Variants in KDM4B observed in about 807,000 individuals in gnomAD.
The protein encoded by KDM4B is lysine demethylase 4B.
Under a neutral mutation model 125.2 loss-of-function variants are expected in KDM4B, and 32 were observed. The ratio of observed to expected loss-of-function variants is 0.26; its 90% confidence interval spans 0.19 to 0.34. The LOEUF is 0.34. Ranked by LOEUF, KDM4B falls within the 10% of genes least tolerant of loss-of-function variation. KDM4B has a pLI of 1.00. For missense variants in KDM4B, 1,190 were observed against 1,577.7 expected, an observed-to-expected ratio of 0.75 and a Z score of 4.16; for synonymous variants, 721 against 677.9, an observed-to-expected ratio of 1.06 and a Z score of -0.99.
chr19:5,131,468 C>T lies in KDM4B; in HGVS notation c.1708C>T (p.Leu570=). The T allele has an allele frequency of 1.3e-6, 2 of 1,583,156 alleles. No homozygotes were observed. The highest frequency in any genetic ancestry group is 1.7e-6 in the Non-Finnish European group (2 of 1,171,220). The part of the protein sequence containing the change: ...TWKEPVSPME[L]TGPEDGAASS... ...GAAGGAACCAGTTTCCCCCATGGAG[C>T]TGACGGGGCCAGAGGACGGTGCAGC... Residue 570 remains leucine, a synonymous_variant, in exon 12 of 23, where the codon CTG becomes TTG. Coordinates refer to ENST00000159111, the MANE Select transcript of KDM4B (RefSeq NM_015015.3).
chr19:5,088,156 G>A (rs2038566875), intron 9 of KDM4B, among the ~76,000 whole-genome samples: 1 of 152,200 alleles, frequency 6.6e-6, no homozygotes, highest in Admixed American at 6.5e-5. Flanking sequence ...CCCCCGACTC[G>A]GGTAGGCCCG....
chr19:5,143,849 G>T (rs543360649), intron 18 of KDM4B, 118 bp from the exon 19 acceptor site: 10 of 806,256 alleles, frequency 1.2e-5, no homozygotes, highest in South Asian at 1.1e-4. Flanking sequence ...TGGGCAGAGC[G>T]CAGGGCCACT....
intron 9 of KDM4B, among the ~76,000 whole-genome samples, chr19:5,083,165 T>C (rs964017123): frequency 6.6e-6 from 1 of 152,202 alleles, no homozygotes; most frequent in African/African-American, 2.4e-5. Context: ...TGGCCAGCAA[T>C]TGGCGTCTGA....
At chr19:5,072,062 C>A (rs111747987) in intron 7 of KDM4B, among the ~76,000 whole-genome samples, 1 of 152,188 alleles carries the variant, frequency 6.6e-6, no homozygotes, top group Non-Finnish European at 1.5e-5. Context: ...GCTCAGCAAG[C>A]GACAGCCACA....
At chr19:5,097,957 G>A (rs964551061) in intron 9 of KDM4B, among the ~76,000 whole-genome samples, 2 of 152,222 alleles carry the variant, frequency 1.3e-5, no homozygotes, top group Admixed American at 6.5e-5. Flanking sequence ...GGCATGGGGG[G>A]CGCAAATGTC....
chr19:5,030,734 C>G (rs1252742252), intron 2 of KDM4B, among the ~76,000 whole-genome samples: 2 of 152,246 alleles, frequency 1.3e-5, no homozygotes. Context: ...ACAACTGCCC[C>G]TCGTGGGCCT....
intron 1 of KDM4B, among the ~76,000 whole-genome samples, chr19:5,009,825 A>T (rs1207607202): frequency 6.6e-6 from 1 of 151,908 alleles, no homozygotes; most frequent in East Asian, 1.9e-4. Flanking sequence ...ACTGCCTCCC[A>T]GGTTCAAGCG....
rs778286646 is a variant in KDM4B, at chr19:5,144,881, C to T, written c.3000C>T (p.Ser1000=). ...TCTACAAGGCCAAGTTCATCTCCTC[C>T]GTCACCAGCCACATCTACCAGGTAA... ...GNLYKAKFIS[S]VTSHIYQVEF... Residue 1000 remains serine, a synonymous_variant, in exon 21 of 23, where the codon TCC becomes TCT. Coordinates refer to ENST00000159111, the MANE Select transcript of KDM4B (RefSeq NM_015015.3). 2.5e-5 allele frequency: 41 copies of T among 1,612,870 alleles called. No homozygotes were observed. The highest frequency in any genetic ancestry group is 5.5e-5 in the South Asian group (5 of 91,026).
intron 2 of KDM4B, among the ~76,000 whole-genome samples, chr19:5,020,631 C>T (rs1016855011): frequency 1.3e-5 from 2 of 152,294 alleles, no homozygotes; most frequent in African/African-American, 4.8e-5. Context: ...GGAAGGGGGT[C>T]CCACTGCAGC....
At chr19:4,992,710 C>G (rs556374468) in intron 1 of KDM4B, among the ~76,000 whole-genome samples, 28 of 152,280 alleles carry the variant, frequency 1.8e-4, no homozygotes, top group Non-Finnish European at 2.9e-5. Flanking sequence ...CTTGGCCTCC[C>G]AAAGTGCTGG....
At position 5,081,596 on chromosome 19, in the gene KDM4B, C is replaced by T. The variant is rs981720186; in HGVS notation, c.781-771C>T. Among the ~76,000 whole-genome samples, 2 of 152,144 alleles carry T rather than the reference C, an allele frequency of 1.3e-5. No individual in the cohort carries two copies. The highest frequency in any genetic ancestry group is 4.8e-5 in the African/African-American group (2 of 41,440). ...GTCCTGCTTCAGAGACCTGCAAAGT[C>T]GAATGGGCCGAACATCCGAATTGGA... On this transcript the variant is annotated intron_variant, in intron 8 of 22. Coordinates refer to ENST00000159111, the MANE Select transcript of KDM4B (RefSeq NM_015015.3). This position sits in a 1 kb window ranked among gnomAD's most constrained non-coding sequence, Gnocchi z 4.2.
intron 3 of KDM4B, among the ~76,000 whole-genome samples, chr19:5,036,618 T>C (rs887596513): frequency 1.3e-5 from 2 of 152,238 alleles, no homozygotes; most frequent in Non-Finnish European, 2.9e-5. Flanking sequence ...CTCTCACTGT[T>C]GGCATGTGGC....
intron 6 of KDM4B, among the ~76,000 whole-genome samples, chr19:5,059,652 C>T (rs2037521510): frequency 6.6e-6 from 1 of 152,338 alleles, no homozygotes; most frequent in Middle Eastern, 3.4e-3. Flanking sequence ...CAAAGCTAGT[C>T]CCATCATTAC....
In KDM4B at chr19:5,116,750, C is replaced by T. The variant is rs144844759; in HGVS notation, c.1116-2903C>T. ...CCAGGGTGGGGGCAGGGAATGCGGC[C>T]CGAGTTGCTCTGTGGCTCATGGATG... is the stretch of plus-strand genomic sequence containing the variant. On this transcript the variant is annotated intron_variant, in intron 10 of 22. Transcript: ENST00000159111. Among the ~76,000 whole-genome samples, 34 of 152,164 alleles carry T rather than the reference C, an allele frequency of 2.2e-4. No individual in the cohort carries two copies. In the East Asian group the frequency reaches 6.6e-3, roughly 29 times the overall value.
intron 6 of KDM4B, among the ~76,000 whole-genome samples, chr19:5,066,487 TTTG>T (rs904672634): frequency 1.5e-4 from 22 of 148,184 alleles, no homozygotes; most frequent in African/African-American, 5.8e-4. Context: ...CATCATTTTG[TTTG>T]TTAACCATCA....
intron 2 of KDM4B, among the ~76,000 whole-genome samples, chr19:5,022,274 A>G (rs928889643): frequency 3.3e-5 from 5 of 152,076 alleles, no homozygotes; most frequent in Admixed American, 3.3e-4. Flanking sequence ...GATCAGTGGT[A>G]GGGCCAGGCC....
chr19:4,977,468 T>A (rs530402170), intron 1 of KDM4B, among the ~76,000 whole-genome samples: 1 of 152,300 alleles, frequency 6.6e-6, no homozygotes, highest in Non-Finnish European at 1.5e-5. Context: ...GTGGCAGGAT[T>A]TCCCCCTGCA....
intron 9 of KDM4B, among the ~76,000 whole-genome samples, chr19:5,101,699 G>A (rs2038937968): frequency 1.3e-5 from 2 of 150,390 alleles, no homozygotes. Context: ...CTCACTTGTT[G>A]CTTTTCCTGG....
Position 5,132,037 on chromosome 19 carries a change from A to G in KDM4B, c.1906+30A>G, listed in dbSNP as rs746714251. 1.9e-6 allele frequency: 3 copies of G among 1,581,740 alleles called. No individual in the cohort carries two copies. In the South Asian group the frequency reaches 3.4e-5, roughly 18 times the overall value. On this transcript the variant is annotated intron_variant, in intron 13 of 22. Coordinates refer to ENST00000159111, the MANE Select transcript of KDM4B (RefSeq NM_015015.3). ...GTGGGGGGTCCCCAGGTCGGCTCTC[A>G]TCAGCCCTGCTCCGCGCTCTGCTGC...
Sources: allele counts gnomAD v4.1 joint callset (sites outside exome capture counted in the v4.1 genomes callset), GRCh38; gene constraint gnomAD v4.1.1; non-coding constraint Gnocchi (gnomAD v3.1); transcripts MANE v1.5; gene names NCBI Gene and HGNC (gene_info 2026-07-23, HGNC 2026-07-21).